PCDH11Y: variants seen among roughly 807,000 people sequenced by gnomAD.
The protein encoded by PCDH11Y is protocadherin 11 Y-linked.
For missense variants in PCDH11Y, 12 were observed against 224.8 expected, an observed-to-expected ratio of 0.05 and a Z score of 6.05; for synonymous variants, 9 against 83.6, an observed-to-expected ratio of 0.11 and a Z score of 4.87.
intron 2 of PCDH11Y, among the ~76,000 whole-genome samples, chrY:5,385,078 T>G: frequency 3.3e-5 from 1 of 29,904 alleles, no homozygotes; most frequent in Non-Finnish European, 7.9e-5. Context: ...TTATTTATTT[T>G]TTTGTTTGTT....
chrY:5,142,721 G>A, intron 2 of PCDH11Y, among the ~76,000 whole-genome samples: 2 of 32,746 alleles, frequency 6.1e-5, no homozygotes, highest in Non-Finnish European at 1.5e-4. Context: ...GTTCTCAGGT[G>A]AGCCAATCAT....
intron 2 of PCDH11Y, among the ~76,000 whole-genome samples, chrY:5,351,285 ATATGTGGGGAGTGTGTG>A: frequency 3.6e-5 from 1 of 28,091 alleles, no homozygotes; most frequent in East Asian, 1.7e-3. Flanking sequence ...CAGATTGAAG[ATATGTGGGGAGTGTGTG>A]TGTGTGTGTG....
chrY:5,677,009 A>C, intron 4 of PCDH11Y, among the ~76,000 whole-genome samples: 4 of 32,666 alleles, frequency 1.2e-4, no homozygotes, highest in African/African-American at 4.8e-4. Context: ...GTATTAGTTT[A>C]TTCTCACAGT....
intron 4 of PCDH11Y, among the ~76,000 whole-genome samples, chrY:5,661,154 G>A (rs2053541039): frequency 3.1e-5 from 1 of 32,178 alleles, no homozygotes; most frequent in Non-Finnish European, 7.6e-5. Flanking sequence ...GTGACAGAGT[G>A]AGACTCCTTC....
intron 3 of PCDH11Y, among the ~76,000 whole-genome samples, chrY:5,041,178 T>C: frequency 3.1e-5 from 1 of 32,275 alleles, no homozygotes; most frequent in South Asian, 7.0e-4. Flanking sequence ...TACATACGTA[T>C]ACATGTGCCA....
intron 4 of PCDH11Y, among the ~76,000 whole-genome samples, chrY:5,695,076 TAC>T (rs563664942): frequency 2.8e-3 from 68 of 24,522 alleles, no homozygotes; most frequent in East Asian, 8.2e-3. Context: ...ACCTGGTGTA[TAC>T]ACACACACAC....
chrY:5,196,006 C>A, intron 2 of PCDH11Y, among the ~76,000 whole-genome samples: 1 of 30,755 alleles, frequency 3.3e-5, no homozygotes, highest in Admixed American at 3.1e-4. Flanking sequence ...TGAATCCAGT[C>A]TGGAAGATAA....
chrY:5,194,854 A>G, intron 2 of PCDH11Y, among the ~76,000 whole-genome samples: 1 of 33,184 alleles, frequency 3.0e-5, no homozygotes, highest in African/African-American at 1.2e-4. Context: ...CCCCACCCAC[A>G]TCCTGCTGAT....
At chrY:5,023,416 C>T in intron 1 of PCDH11Y, among the ~76,000 whole-genome samples, 2 of 34,529 alleles carry the variant, frequency 5.8e-5, no homozygotes, top group Non-Finnish European at 1.5e-4. Context: ...GAATTGGTCT[C>T]GAGAGAAAAT....
chrY:5,532,087 G>C (rs2053393863), intron 3 of PCDH11Y, among the ~76,000 whole-genome samples: 1 of 29,534 alleles, frequency 3.4e-5, no homozygotes. Flanking sequence ...TACAAATTGT[G>C]ATATGCTTTA....
intron 4 of PCDH11Y, among the ~76,000 whole-genome samples, chrY:5,670,467 A>G: frequency 3.0e-5 from 1 of 33,105 alleles, no homozygotes; most frequent in Admixed American, 2.7e-4. Context: ...CTGTGCTAGC[A>G]TTTGTTATTG....
intron 2 of PCDH11Y, among the ~76,000 whole-genome samples, chrY:5,368,847 C>T (rs2053184274): frequency 2.9e-5 from 1 of 33,914 alleles, no homozygotes; most frequent in South Asian, 6.5e-4. Flanking sequence ...CTTGCATCAG[C>T]GTGACCTGTA....
chrY:5,127,087 A>G (rs373006014), intron 2 of PCDH11Y, among the ~76,000 whole-genome samples: 369 of 32,758 alleles, frequency 0.011, no homozygotes, highest in South Asian at 0.076. Context: ...AAAGAAAAAT[A>G]TAGTGCTATT....
chrY:5,004,619 A>G, intron 1 of PCDH11Y, among the ~76,000 whole-genome samples: 1 of 33,960 alleles, frequency 2.9e-5, no homozygotes, highest in Non-Finnish European at 7.3e-5. Context: ...CTTGAGGTAC[A>G]TTGAAAAAAT....
downstream of PCDH11Y, among the ~76,000 whole-genome samples, chrY:5,107,676 C>T: frequency 9.2e-5 from 3 of 32,556 alleles, no homozygotes; most frequent in Admixed American, 5.7e-4. Flanking sequence ...TCATCGACTA[C>T]GGGAATATTC....
chrY:5,437,110 G>A (rs2574039), intron 2 of PCDH11Y, among the ~76,000 whole-genome samples: 1 of 33,335 alleles, frequency 3.0e-5, no homozygotes, highest in African/African-American at 1.2e-4. Flanking sequence ...TTGGTAGTAC[G>A]TTTACAGCTA....
chrY:5,727,865 A>G (rs2053599911), intron 4 of PCDH11Y, among the ~76,000 whole-genome samples: 3 of 32,307 alleles, frequency 9.3e-5, no homozygotes, highest in Admixed American at 8.5e-4. Flanking sequence ...ATCTATCACC[A>G]TTTTCATATA....
At chrY:5,350,376 C>A (rs2053156627) in intron 2 of PCDH11Y, among the ~76,000 whole-genome samples, 2 of 30,594 alleles carry the variant, frequency 6.5e-5, no homozygotes, top group Non-Finnish European at 1.6e-4. Context: ...ATTCCTCCCC[C>A]CTCCCTCCAC....
chrY:5,391,519 C>G, intron 2 of PCDH11Y, among the ~76,000 whole-genome samples: 1 of 31,691 alleles, frequency 3.2e-5, no homozygotes, highest in Non-Finnish European at 7.6e-5. Flanking sequence ...ATCGCTTGAG[C>G]CCAGTAGTTG....
Sources: gnomAD v4.1 joint callset for allele counts (sites outside exome capture counted in the v4.1 genomes callset) on GRCh38, gnomAD v4.1.1 for gene constraint, MANE v1.5 for transcripts, NCBI Gene and HGNC (gene_info 2026-07-23, HGNC 2026-07-21) for gene names.